FRMD4A: variants seen among roughly 807,000 people sequenced by gnomAD.
The protein encoded by FRMD4A is FERM domain containing 4A, also known as FERM domain-containing protein 4A.
A neutral mutation model predicts 129.1 loss-of-function variants in FRMD4A; 29 were observed. That is an observed-to-expected ratio of 0.22 (90% CI 0.17 to 0.31). The LOEUF (loss-of-function observed/expected upper bound fraction) is 0.31, where lower values mean the gene tolerates loss of function less well. FRMD4A is among the 10% of genes least tolerant of loss of function. The pLI, the probability that FRMD4A is intolerant of heterozygous loss-of-function variation, is 1.00. For missense variants in FRMD4A, 1,272 were observed against 1,375.8 expected (o/e 0.92, Z 1.19); for synonymous variants, 634 against 571.6 (o/e 1.11, Z -1.56).
chr10:14,187,216 T>A (rs1272242374), intron 2 of FRMD4A, among the ~76,000 whole-genome samples: 3 of 152,038 alleles, frequency 2.0e-5, no homozygotes, highest in Non-Finnish European at 1.5e-5. Context: ...CAGCTTGCAT[T>A]CTATAAAAGC....
chr10:13,774,140 C>A (rs1314692099), intron 6 of FRMD4A, among the ~76,000 whole-genome samples: 1 of 152,202 alleles, frequency 6.6e-6, no homozygotes, highest in East Asian at 1.9e-4. Context: ...CACACTTCCT[C>A]CTGCTCCACC....
At chr10:14,170,102 C>T (rs756585152) in intron 2 of FRMD4A, among the ~76,000 whole-genome samples, 4 of 152,206 alleles carry the variant, frequency 2.6e-5, no homozygotes, top group Non-Finnish European at 4.4e-5. Context: ...ATACTCTATA[C>T]TAATTGCCCT....
chr10:14,042,989 C>G (rs1252319881), intron 2 of FRMD4A, among the ~76,000 whole-genome samples: 1 of 150,990 alleles, frequency 6.6e-6, no homozygotes, highest in Non-Finnish European at 1.5e-5. Flanking sequence ...TGAATTCTCC[C>G]TGGTGCAGAA....
At chr10:13,693,393 G>A (rs946560250) in intron 15 of FRMD4A, 70 of 458,450 alleles carry the variant, frequency 1.5e-4, no homozygotes, top group Non-Finnish European at 2.0e-4. Context: ...TCTCTGACTC[G>A]CAATTTCAAA....
At chr10:13,673,549 C>CCATGTGCACAATGCACA (rs1284330112) in intron 16 of FRMD4A, among the ~76,000 whole-genome samples, 1 of 152,004 alleles carries the variant, frequency 6.6e-6, no homozygotes, top group African/African-American at 2.4e-5. Context: ...CCCATTGTGC[C>CCATGTGCACAATGCACA]CATGTGCACA....
rs1186958482 is a variant in FRMD4A, at chr10:14,204,264, T to TA, written c.45+125793dup. On this transcript the variant is annotated intron_variant, in intron 2 of 24. Coordinates refer to ENST00000357447, the MANE Select transcript of FRMD4A (RefSeq NM_018027.5). ...TGAACATGGCAAAACCCTGTCTTTA[T>TA]AAAAAAATACAAAAATTAGCCAGAC... 4.6e-5 allele frequency among the ~76,000 whole-genome samples: 7 copies of TA among 151,830 alleles called. 1 individual carries two copies. The highest frequency in any genetic ancestry group is 6.6e-5 in the Admixed American group (1 of 15,238).
At chr10:14,109,646 A>G (rs918150994) in intron 2 of FRMD4A, among the ~76,000 whole-genome samples, 5 of 152,156 alleles carry the variant, frequency 3.3e-5, no homozygotes, top group Non-Finnish European at 7.3e-5. Flanking sequence ...TTCTCAATGT[A>G]ATGCCTAGAA....
chr10:13,673,217 C>G (rs1486680053), intron 16 of FRMD4A, among the ~76,000 whole-genome samples: 1 of 152,170 alleles, frequency 6.6e-6, no homozygotes, highest in Non-Finnish European at 1.5e-5. Context: ...TTAACAGTAT[C>G]ACATAGCGCA....
chr10:14,128,045 CCTCT>C (rs1402027508), intron 2 of FRMD4A, among the ~76,000 whole-genome samples: 2,098 of 75,494 alleles, frequency 0.028, 120 homozygotes, highest in African/African-American at 0.067. Flanking sequence ...CCTTTCTTTC[CCTCT>C]TTCTTTCTTT....
chr10:14,265,798 T>C (rs960035478), intron 2 of FRMD4A, among the ~76,000 whole-genome samples: 3 of 152,188 alleles, frequency 2.0e-5, no homozygotes, highest in Admixed American at 6.5e-5. Context: ...GGGTCGGGAA[T>C]GTGACTGCCC....
chr10:13,867,916 A>C (rs529564085), intron 2 of FRMD4A, among the ~76,000 whole-genome samples: 294 of 142,584 alleles, frequency 2.1e-3, no homozygotes, highest in African/African-American at 7.2e-3. Flanking sequence ...ATATAATATA[A>C]TATATAATAA....
intron 2 of FRMD4A, among the ~76,000 whole-genome samples, chr10:14,205,806 C>CAAA (rs59803872): frequency 1.5e-5 from 1 of 67,322 alleles, no homozygotes; most frequent in Non-Finnish European, 2.7e-5. Context: ...GACTCTGTCT[C>CAAA]AAAAAAAAAA....
At chr10:13,661,338 G>A (rs1415886627) in intron 19 of FRMD4A, among the ~76,000 whole-genome samples, 1 of 152,204 alleles carries the variant, frequency 6.6e-6, no homozygotes, top group Non-Finnish European at 1.5e-5. Context: ...GAAGGGGCTT[G>A]AGCAGTGGGC....
intron 16 of FRMD4A, among the ~76,000 whole-genome samples, chr10:13,672,107 GTGTGTACA>G (rs1564572202): frequency 2.0e-5 from 3 of 152,170 alleles, no homozygotes; most frequent in African/African-American, 7.2e-5. Context: ...ATGTGTGTGC[GTGTGTACA>G]TGTGTACACG....
chr10:13,701,430 G>A lies in FRMD4A; in HGVS notation c.885C>T (p.His295=), dbSNP rs1302961305. The change falls in exon 14 of 25, where the codon CAC becomes CAT. Residue 295 remains histidine, a synonymous_variant. Coordinates refer to ENST00000357447, the MANE Select transcript of FRMD4A (RefSeq NM_018027.5). ...TCAATGCCGGACATGCATACCACGTGTGCACTGCAATGCCGCTGTGCCCAA... is the reference window on the plus strand; with the variant it reads ...TCAATGCCGGACATGCATACCACGTATGCACTGCAATGCCGCTGTGCCCAA... ...RTFGHSGIAV[H]TWYACPALIK... is the part of the protein sequence containing the mutation. 7 of 1,612,288 alleles carry A rather than the reference G, an allele frequency of 4.3e-6. No homozygotes were observed. The highest frequency in any genetic ancestry group is 5.9e-6 in the Non-Finnish European group (7 of 1,178,294).
At chr10:14,075,715 T>A (rs375563306) in intron 2 of FRMD4A, among the ~76,000 whole-genome samples, 1 of 150,820 alleles carries the variant, frequency 6.6e-6, no homozygotes, top group South Asian at 2.1e-4. Context: ...CTGTATAGTA[T>A]GTGTGTATAC....
At chr10:13,666,879 C>T (rs1460265055) in intron 17 of FRMD4A, among the ~76,000 whole-genome samples, 4 of 151,502 alleles carry the variant, frequency 2.6e-5, no homozygotes, top group Non-Finnish European at 5.9e-5. Flanking sequence ...CCCACTCACC[C>T]GCGTGTCTTT....
At chr10:14,264,667 T>G (rs75702357) in intron 2 of FRMD4A, among the ~76,000 whole-genome samples, 1 of 152,260 alleles carries the variant, frequency 6.6e-6, no homozygotes, top group African/African-American at 2.4e-5. Context: ...AAAATATCTA[T>G]TGTTTTAAAA....
At chr10:13,667,202 A>G (rs529731427) in intron 17 of FRMD4A, among the ~76,000 whole-genome samples, 3 of 152,190 alleles carry the variant, frequency 2.0e-5, no homozygotes, top group African/African-American at 7.2e-5. Context: ...GTGAGCCACC[A>G]TGCCCGGCCA....
Sources: gnomAD v4.1 joint callset for allele counts (sites outside exome capture counted in the v4.1 genomes callset) on GRCh38, gnomAD v4.1.1 for gene constraint, MANE v1.5 for transcripts, NCBI Gene and HGNC (gene_info 2026-07-23, HGNC 2026-07-21) for gene names.